ACOXL: variants seen among roughly 807,000 people sequenced by gnomAD.
ACOXL encodes the protein acyl-CoA oxidase like, also known as acyl-coenzyme A oxidase-like protein.
ACOXL carries 70 observed loss-of-function variants against 71.9 expected under a neutral mutation model. The observed-to-expected ratio is 0.97, with a 90% CI of 0.80 to 1.19. ACOXL has a LOEUF of 1.19. Among genes scored for constraint, ACOXL ranks in the 50% most tolerant of loss-of-function variants. ACOXL has a pLI of 0.00. For missense variants in ACOXL, 703 were observed against 736.3 expected (o/e 0.95, Z 0.52); for synonymous variants, 253 against 281.6 (o/e 0.90, Z 1.02).
intron 2 of ACOXL, among the ~76,000 whole-genome samples, chr2:110,778,786 A>G (rs1682968053): frequency 6.6e-6 from 1 of 152,230 alleles, no homozygotes; most frequent in Non-Finnish European, 1.5e-5. Context: ...TTAAGTAGTC[A>G]TGTGGTATAT....
intron 12 of ACOXL, among the ~76,000 whole-genome samples, chr2:110,946,042 C>A (rs1416025421): frequency 6.6e-6 from 1 of 152,088 alleles, no homozygotes; most frequent in Non-Finnish European, 1.5e-5. Flanking sequence ...TTTTGTAATT[C>A]TTATTGTAGA....
chr2:110,959,269 G>C (rs189500689), intron 12 of ACOXL, among the ~76,000 whole-genome samples: 68 of 152,210 alleles, frequency 4.5e-4, no homozygotes, highest in African/African-American at 1.6e-3. Context: ...AACCCCAGGC[G>C]GGAGGCTGTC....
At chr2:110,823,719 A>T in intron 9 of ACOXL, among the ~76,000 whole-genome samples, 1 of 152,206 alleles carries the variant, frequency 6.6e-6, no homozygotes. Flanking sequence ...ATGACAAATG[A>T]TGTTGAGCAT....
intron 16 of ACOXL, among the ~76,000 whole-genome samples, chr2:111,052,985 G>C (rs1222975841): frequency 6.6e-6 from 1 of 152,114 alleles, no homozygotes; most frequent in Non-Finnish European, 1.5e-5. Context: ...TCCCAGCAAA[G>C]AGTACCTGGA....
At chr2:111,062,748 G>A (rs1025610274) in intron 16 of ACOXL, among the ~76,000 whole-genome samples, 8 of 152,020 alleles carry the variant, frequency 5.3e-5, no homozygotes, top group African/African-American at 1.9e-4. Flanking sequence ...CCCACCTCAA[G>A]AATCTAGAAA....
chr2:110,798,503 A>C, intron 5 of ACOXL, 107 bp from the exon 6 acceptor site: 3 of 829,222 alleles, frequency 3.6e-6, no homozygotes, highest in Non-Finnish European at 6.1e-6. Context: ...TGATCCACCC[A>C]CCTCGGCCCC....
chr2:111,038,129 T>C (rs974697191), intron 15 of ACOXL, among the ~76,000 whole-genome samples: 1 of 152,162 alleles, frequency 6.6e-6, no homozygotes, highest in Non-Finnish European at 1.5e-5. Context: ...ACAGAGCAAC[T>C]CTAATCCCCC....
chr2:110,865,314 G>C (rs904434800), intron 10 of ACOXL, among the ~76,000 whole-genome samples: 3 of 152,228 alleles, frequency 2.0e-5, no homozygotes, highest in Non-Finnish European at 2.9e-5. Flanking sequence ...CGTAGGGTGG[G>C]GTTGGGCTGG....
In ACOXL at chr2:111,067,479, C is replaced by T. The variant is rs77820124; in HGVS notation, c.1440+18191C>T. On this transcript the variant is annotated intron_variant, in intron 16 of 17. Transcript: ENST00000439055. ...ATTTTTTAAAGTCAAGCTAATTCTCCGGAAAATAAATGGGCAGATAATGAA... is the reference window on the plus strand; with the variant it reads ...ATTTTTTAAAGTCAAGCTAATTCTCTGGAAAATAAATGGGCAGATAATGAA... Among the ~76,000 whole-genome samples the T allele has an allele frequency of 3.7e-3, 555 of 152,048 alleles. 8 individuals carry two copies. The East Asian group carries it at 0.046, about 13-fold the overall frequency.
At chr2:110,772,439 A>C (rs146046307) in intron 2 of ACOXL, among the ~76,000 whole-genome samples, 2 of 152,258 alleles carry the variant, frequency 1.3e-5, no homozygotes, top group Non-Finnish European at 2.9e-5. Context: ...GTTCCCATTA[A>C]GCATTTGGTC....
At chr2:111,075,748 CA>C (rs1471035331) in intron 16 of ACOXL, among the ~76,000 whole-genome samples, 2 of 152,082 alleles carry the variant, frequency 1.3e-5, no homozygotes, top group Admixed American at 6.6e-5. Flanking sequence ...CACCCCACAA[CA>C]ACTTATATAT....
At chr2:110,852,223 A>G (rs1215199325) in intron 10 of ACOXL, among the ~76,000 whole-genome samples, 4 of 152,154 alleles carry the variant, frequency 2.6e-5, no homozygotes. Flanking sequence ...GGCCTGGTGG[A>G]TCGCTTGACA....
intron 12 of ACOXL, among the ~76,000 whole-genome samples, chr2:110,943,065 A>G (rs1574221548): frequency 9.1e-6 from 1 of 109,974 alleles, no homozygotes; most frequent in Non-Finnish European, 1.9e-5. Flanking sequence ...GAAAAGGAAG[A>G]AGGAAGGAAG....
chr2:111,102,975 G>C (rs1482134042), intron 17 of ACOXL, among the ~76,000 whole-genome samples: 1 of 152,064 alleles, frequency 6.6e-6, no homozygotes, highest in African/African-American at 2.4e-5. Flanking sequence ...CAAAGTGTTT[G>C]GTACTTAGTA....
At chr2:110,929,207 G>A (rs1225771171) in intron 11 of ACOXL, among the ~76,000 whole-genome samples, 1 of 152,222 alleles carries the variant, frequency 6.6e-6, no homozygotes, top group Non-Finnish European at 1.5e-5. Context: ...GACCAAAATG[G>A]TGATAATGAT....
intron 12 of ACOXL, among the ~76,000 whole-genome samples, chr2:110,964,002 C>G (rs2061821152): frequency 6.6e-6 from 1 of 152,136 alleles, no homozygotes; most frequent in Non-Finnish European, 1.5e-5. Context: ...GATGAACAAG[C>G]AAAAGGCATG....
intron 17 of ACOXL, among the ~76,000 whole-genome samples, chr2:111,116,846 C>T (rs77416860): frequency 1.3e-5 from 2 of 152,072 alleles, no homozygotes; most frequent in Non-Finnish European, 2.9e-5. Context: ...GCACCTAAGC[C>T]ATGGAAAATG....
At chr2:110,975,438 A>G (rs1488569062) in intron 12 of ACOXL, among the ~76,000 whole-genome samples, 1 of 142,432 alleles carries the variant, frequency 7.0e-6, no homozygotes, top group Non-Finnish European at 1.6e-5. Flanking sequence ...GTGTGTGTGC[A>G]TGAAATCATT....
intron 1 of ACOXL, among the ~76,000 whole-genome samples, chr2:110,736,494 A>T (rs1676858509): frequency 6.6e-6 from 1 of 152,180 alleles, no homozygotes; most frequent in South Asian, 2.1e-4. Flanking sequence ...TTCTTCTATG[A>T]CTGGCTTACT....
Sources: gnomAD v4.1 joint callset for allele counts (sites outside exome capture counted in the v4.1 genomes callset) on GRCh38, gnomAD v4.1.1 for gene constraint, MANE v1.5 for transcripts, NCBI Gene and HGNC (gene_info 2026-07-23, HGNC 2026-07-21) for gene names.